The following PON1 variants were observed in gnomAD, a reference collection of about 807,000 sequenced individuals.
The protein encoded by PON1 is serum paraoxonase/arylesterase 1.
Under a neutral mutation model 39.2 loss-of-function variants are expected in PON1, and 37 were observed. That is an observed-to-expected ratio of 0.94 (90% confidence interval 0.73 to 1.24). The LOEUF is 1.24. PON1 is among the 50% of genes most tolerant of loss of function. The pLI, the probability that PON1 is intolerant of heterozygous loss-of-function variation, is 0.00. For synonymous variants in PON1, 148 were observed against 152.2 expected (o/e 0.97, Z 0.21); for missense variants, 397 against 413.5 (o/e 0.96, Z 0.35).
chr7:95,316,540 C>A (rs59321853), intron 3 of PON1, among the ~76,000 whole-genome samples, 194 bp downstream of exon 3: 1 of 152,148 alleles, frequency 6.6e-6, no homozygotes, highest in Non-Finnish European at 1.5e-5. Flanking sequence ...GACCGAAGAA[C>A]ACAAATATGC....
Position 95,315,422 on chromosome 7 carries a change from C to G in PON1, c.270G>C (p.Leu90=). Residue 90 remains leucine (L), a synonymous_variant, in exon 4 of 9, where the codon CTG becomes CTC. Transcript: ENST00000222381. ...CCAACACTGTTGGATCTTCTTCATT[C>G]AGGTCCATCAGAAGTATTTTTCCAG... is the stretch of plus-strand genomic sequence containing the variant. ...NSPGKILLMD[L]NEEDPTVLEL... is the part of the protein sequence containing the mutation. 6.2e-7 allele frequency: 1 copy of G among 1,613,664 alleles called. No individual in the cohort carries two copies. The highest frequency in any genetic ancestry group is 1.1e-5 in the South Asian group (1 of 91,062).
At chr7:95,305,759 A>C (rs181997211) in intron 7 of PON1, among the ~76,000 whole-genome samples, 47 of 152,106 alleles carry the variant, frequency 3.1e-4, no homozygotes, top group Admixed American at 1.6e-3. Flanking sequence ...CAGTGGCAGG[A>C]GACGTGGGGC....
At chr7:95,323,473 C>T (rs1212206500) in intron 1 of PON1, among the ~76,000 whole-genome samples, 1 of 151,992 alleles carries the variant, frequency 6.6e-6, no homozygotes, top group African/African-American at 2.4e-5. Context: ...TGAATGTAAG[C>T]TTCTAATTAG....
At chr7:95,305,903 T>C (rs1807531055) in intron 7 of PON1, among the ~76,000 whole-genome samples, 1 of 151,980 alleles carries the variant, frequency 6.6e-6, no homozygotes, top group Non-Finnish European at 1.5e-5. Flanking sequence ...AGGCTATTTC[T>C]TGGCTGTTCC....
chr7:95,313,940 A>G (rs1807710389), intron 4 of PON1, among the ~76,000 whole-genome samples: 1 of 152,202 alleles, frequency 6.6e-6, no homozygotes, highest in Non-Finnish European at 1.5e-5. Flanking sequence ...GGAAGTAGCA[A>G]TGAGTGACAA....
chr7:95,306,174 T>G, intron 7 of PON1, 111 bp downstream of exon 7: 4 of 883,284 alleles, frequency 4.5e-6, no homozygotes, highest in Non-Finnish European at 7.6e-6. Flanking sequence ...GAGTGAAAAA[T>G]TGGTTCTCAC....
At chr7:95,323,281 T>G (rs989559268) in intron 1 of PON1, among the ~76,000 whole-genome samples, 1 of 152,166 alleles carries the variant, frequency 6.6e-6, no homozygotes, top group Non-Finnish European at 1.5e-5. Flanking sequence ...TATCTATATA[T>G]TTTTATCTAT....
At chr7:95,307,888 T>C (rs1360194014) in intron 6 of PON1, 123 bp downstream of exon 6, 1 of 1,002,618 alleles carries the variant, frequency 1.0e-6, no homozygotes, top group Admixed American at 2.2e-5. Context: ...TTTACATTTT[T>C]CCTAATTTTA....
chr7:95,308,091 G>GACA lies in PON1; in HGVS notation c.615_617dup (p.Val206dup). On this transcript the variant is annotated inframe_insertion, in exon 6 of 9. Coordinates refer to ENST00000222381, the MANE Select transcript of PON1 (RefSeq NM_000446.7). ...CTCGAACTTCACTTGGACTATAGTA[G>GACA]ACAACATACGACCACGCTAAACCCA... The GACA allele has an allele frequency of 6.2e-7, 1 of 1,614,042 alleles. No individual in the cohort carries two copies. The highest frequency in any genetic ancestry group is 1.1e-5 in the South Asian group (1 of 91,074).
rs1807866889 is a variant in PON1 at position 95,320,265 on chromosome 7, C to T, written c.75-1872G>A. 2.0e-5 allele frequency among the ~76,000 whole-genome samples: 3 copies of T among 152,180 alleles called. No individual in the cohort carries two copies. The South Asian group carries it at 6.2e-4, about 31-fold the overall frequency. ...AAGGGTCACTAAACATATGGGTTCA[C>T]AAAAGATGGAGAAAGGCAGAACTGG... On this transcript the variant is annotated intron_variant, in intron 1 of 8. Transcript: ENST00000222381.
At chr7:95,320,867 G>T (rs1236399891) in intron 1 of PON1, among the ~76,000 whole-genome samples, 1 of 152,186 alleles carries the variant, frequency 6.6e-6, no homozygotes, top group African/African-American at 2.4e-5. Flanking sequence ...TCTGAACTCT[G>T]CGCAGAAACC....
intron 5 of PON1, among the ~76,000 whole-genome samples, chr7:95,309,314 GAA>G (rs199955176): frequency 4.3e-5 from 6 of 139,138 alleles, no homozygotes; most frequent in Admixed American, 7.2e-5. Flanking sequence ...ATTACAACAT[GAA>G]AAAAAAAAAA....
chr7:95,316,956 T>C (rs1194489100), intron 2 of PON1, among the ~76,000 whole-genome samples, 167 bp from the exon 3 acceptor site: 1 of 152,234 alleles, frequency 6.6e-6, no homozygotes, highest in Non-Finnish European at 1.5e-5. Context: ...TGCGATTATA[T>C]GGAAATTAAA....
chr7:95,320,260 G>A (rs1029220911), intron 1 of PON1, among the ~76,000 whole-genome samples: 3 of 152,178 alleles, frequency 2.0e-5, no homozygotes, highest in African/African-American at 7.2e-5. Flanking sequence ...AAACATATGG[G>A]TTCACAAAAG....
intron 1 of PON1, among the ~76,000 whole-genome samples, chr7:95,319,061 G>A (rs566601539): frequency 1.9e-4 from 29 of 151,940 alleles, no homozygotes; most frequent in African/African-American, 7.0e-4. Flanking sequence ...CCTGAGCAGA[G>A]CGAAGCTACT....
chr7:95,302,632 G>GAA (rs142523546), intron 7 of PON1, among the ~76,000 whole-genome samples: 13 of 146,874 alleles, frequency 8.9e-5, no homozygotes, highest in African/African-American at 3.0e-4. Context: ...ACCTAAAACT[G>GAA]AAAAAAAAAA....
rs374635908 is a variant in PON1, at chr7:95,301,810, G to A, written c.909+395C>T. On this transcript the variant is annotated intron_variant, in intron 8 of 8. Transcript: ENST00000222381. ...TTGCACATAGAATTGAGAATTGGCC[G>A]GGCACGGTGGCTCACGCCTGTAATC... 2.1e-3 allele frequency among the ~76,000 whole-genome samples: 323 copies of A among 151,828 alleles called. 2 individuals are homozygous for A. The highest frequency in any genetic ancestry group is 7.3e-3 in the African/African-American group (304 of 41,402).
chr7:95,317,820 C>T (rs1295582529), intron 2 of PON1, among the ~76,000 whole-genome samples: 2 of 152,050 alleles, frequency 1.3e-5, no homozygotes, highest in African/African-American at 4.8e-5. Flanking sequence ...GCAACTAGGG[C>T]ACCAGCCTGT....
intron 7 of PON1, among the ~76,000 whole-genome samples, chr7:95,302,891 G>A (rs1035574325): frequency 2.6e-5 from 4 of 152,080 alleles, no homozygotes; most frequent in Non-Finnish European, 5.9e-5. Context: ...TCAACTCCCC[G>A]TTCTTCTGCT....
Sources: allele counts gnomAD v4.1 joint callset (sites outside exome capture counted in the v4.1 genomes callset), GRCh38; gene constraint gnomAD v4.1.1; transcripts MANE v1.5; gene names NCBI Gene and HGNC (gene_info 2026-07-23, HGNC 2026-07-21).